The following FERMT3 variants were observed in gnomAD, a reference collection of about 807,000 sequenced individuals.
FERMT3 encodes the protein FERM domain containing kindlin 3.
A neutral mutation model predicts 80.8 loss-of-function variants in FERMT3; 33 were observed. The ratio of observed to expected loss-of-function variants is 0.41; its 90% CI spans 0.31 to 0.55. FERMT3 has a LOEUF of 0.55. Among genes scored for constraint, FERMT3 ranks in the 20% least tolerant of loss-of-function variants. FERMT3 has a pLI of 0.31. For missense variants in FERMT3, 754 were observed against 908.7 expected (o/e 0.83, Z 2.19); for synonymous variants, 375 against 372.2 (o/e 1.01, Z -0.09).
intron 12 of FERMT3, 124 bp downstream of exon 12, chr11:64,220,793 T>A: frequency 7.9e-7 from 1 of 1,268,858 alleles, no homozygotes; most frequent in Non-Finnish European, 1.1e-6. Context: ...ACTGTGTCCC[T>A]GAGATTGTGC....
In FERMT3 at chr11:64,223,704, C is replaced by T; in HGVS notation, c.*212C>T. On this transcript the variant is annotated 3_prime_UTR_variant, in exon 15 of 15. Coordinates refer to ENST00000345728, the MANE Select transcript of FERMT3 (RefSeq NM_031471.6). The stretch of plus-strand genomic sequence containing the variant: ...AGGGATGGGGGTGGGGGTCCCTGAG[C>T]TCATGTGGTGCCCCCTTTCCTTGTC... 1 of 759,754 alleles carries T rather than the reference C, an allele frequency of 1.3e-6. No individual in the cohort carries two copies. 47.1% of individuals were successfully genotyped at this position (759,754 alleles called of 1,614,324 possible).
Position 64,223,478 on chromosome 11 carries a change from C to T in FERMT3, c.1978C>T (p.His660Tyr), listed in dbSNP as rs1313568898. Reference protein sequence around the residue: ...EDLFLQLTGGHEAF With the variant: ...EDLFLQLTGGYEAF Reference sequence around the variant, plus strand: ...CCTCTTCCTGCAGCTCACCGGGGGCCATGAGGCCTTCTGAGGGCTGTCTGA... The same window carrying T: ...CCTCTTCCTGCAGCTCACCGGGGGCTATGAGGCCTTCTGAGGGCTGTCTGA... Residue 660 changes from histidine to tyrosine, a missense_variant, in exon 15 of 15, where the codon CAT becomes TAT. By Grantham distance (83) the His-to-Tyr change is moderately conservative. Transcript: ENST00000345728. 1 of 1,610,094 alleles carries T rather than the reference C, an allele frequency of 6.2e-7. No individual in the cohort carries two copies. The highest frequency in any genetic ancestry group is 8.5e-7 in the Non-Finnish European group (1 of 1,179,854).
chr11:64,221,739 C>T (rs186442729), intron 13 of FERMT3, among the ~76,000 whole-genome samples: 1 of 141,750 alleles, frequency 7.1e-6, no homozygotes, highest in East Asian at 2.1e-4. Context: ...GCAGCCTGGC[C>T]AACATAGTGA....
intron 10 of FERMT3, 95 bp downstream of exon 10, chr11:64,220,110 G>C: frequency 1.3e-6 from 2 of 1,574,928 alleles, no homozygotes; most frequent in Admixed American, 3.3e-5. Context: ...CCTGGAGACC[G>C]GGGAAGATGC....
Position 64,220,260 on chromosome 11 carries a change from G to A in FERMT3, c.1245G>A (p.Lys415=). 6.2e-7 allele frequency: 1 copy of A among 1,613,976 alleles called. No individual in the cohort carries two copies. The highest frequency in any genetic ancestry group is 8.5e-7 in the Non-Finnish European group (1 of 1,180,032). Residue 415 remains lysine, a synonymous_variant, in exon 11 of 15, where the codon AAG becomes AAA. Transcript: ENST00000345728. ...VVPDVNVSGQ[K]FCIKLLVPSP... Reference sequence around the variant, plus strand: ...CCGATGTTAACGTCTCCGGCCAGAAGTTCTGCATTAAACTCCTAGTGCCCT... The same window carrying A: ...CCGATGTTAACGTCTCCGGCCAGAAATTCTGCATTAAACTCCTAGTGCCCT...
chr11:64,223,418 C>G lies in FERMT3; in HGVS notation c.1918C>G (p.Arg640Gly), dbSNP rs886043481. 3 of 1,613,460 alleles carry G rather than the reference C, an allele frequency of 1.9e-6. No homozygotes were observed. The highest frequency in any genetic ancestry group is 2.5e-6 in the Non-Finnish European group (3 of 1,180,036). The change falls in exon 15 of 15, where the codon CGG becomes GGG. Residue 640 changes from arginine to glycine, a missense_variant. Coordinates refer to ENST00000345728, the MANE Select transcript of FERMT3 (RefSeq NM_031471.6). The part of the protein sequence containing the change: ...YIGGYIFLST[R>G]ERARGEELDE... ...CGGGGGCTACATTTTCCTGTCGACG[C>G]GGGAGCGGGCCCGTGGGGAGGAGCT...
At chr11:64,222,952 G>GGAAGGGCT in intron 13 of FERMT3, 96 bp from the exon 14 acceptor site, 1 of 1,549,194 alleles carries the variant, frequency 6.5e-7, no homozygotes, top group Non-Finnish European at 8.9e-7. Flanking sequence ...GCTGCAGTCG[G>GGAAGGGCT]GAAGGGCTGG....
chr11:64,218,337 T>A (rs1323448545), intron 6 of FERMT3, among the ~76,000 whole-genome samples: 4 of 150,704 alleles, frequency 2.7e-5, no homozygotes. Flanking sequence ...AAGGTCTCAC[T>A]CTATCCCCCA....
chr11:64,208,271 T>G (rs1946360118), intron 2 of FERMT3, among the ~76,000 whole-genome samples: 1 of 151,838 alleles, frequency 6.6e-6, no homozygotes, highest in Admixed American at 6.5e-5. Flanking sequence ...GCCACAAGAC[T>G]GAGGCTGTGA....
At chr11:64,215,141 G>C (rs1376070765) in intron 6 of FERMT3, among the ~76,000 whole-genome samples, 2 of 152,182 alleles carry the variant, frequency 1.3e-5, no homozygotes, top group Admixed American at 1.3e-4. Context: ...GTATGGTTGT[G>C]CAACCATCAC....
chr11:64,212,529 G>A (rs1946464995), intron 6 of FERMT3, among the ~76,000 whole-genome samples: 2 of 152,168 alleles, frequency 1.3e-5, no homozygotes, highest in South Asian at 4.1e-4. Flanking sequence ...ACGTCTCCAG[G>A]CTATCTGTTC....
At chr11:64,213,888 T>G (rs537874956) in intron 6 of FERMT3, among the ~76,000 whole-genome samples, 1 of 152,250 alleles carries the variant, frequency 6.6e-6, no homozygotes, top group Non-Finnish European at 1.5e-5. Flanking sequence ...TCTAGTGTTT[T>G]CTTCTCTATG....
In FERMT3 at chr11:64,210,894, C is replaced by T; in HGVS notation, c.394+50C>T. ...GGCCCACGAGGGTGATGCAAAGAGGCAGGTTCCCCCGTTTCCAGGCCCAGC... is the reference window on the plus strand; with the variant it reads ...GGCCCACGAGGGTGATGCAAAGAGGTAGGTTCCCCCGTTTCCAGGCCCAGC... On this transcript the variant is annotated intron_variant, in intron 3 of 14. Transcript: ENST00000345728. The surrounding 1 kb of genome is among the most constrained non-coding windows in gnomAD (Gnocchi z 4.3). The T allele has an allele frequency of 1.9e-6, 3 of 1,608,672 alleles. No individual in the cohort carries two copies. The highest frequency in any genetic ancestry group is 2.5e-6 in the Non-Finnish European group (3 of 1,178,902).
At position 64,222,904 on chromosome 11, in the gene FERMT3, G is replaced by A. The variant is rs952863614; in HGVS notation, c.1671-144G>A. The A allele has an allele frequency of 2.9e-6, 3 of 1,024,004 alleles. 1 individual carries two copies. The highest frequency in any genetic ancestry group is 4.4e-6 in the Non-Finnish European group (3 of 685,962). 63.4% of individuals were successfully genotyped at this position (1,024,004 alleles called of 1,614,324 possible). A position where few individuals can be genotyped will look rare whatever the true frequency, so the allele number is the denominator to read the frequency against. On this transcript the variant is annotated intron_variant, in intron 13 of 14. Transcript: ENST00000345728. ...CCAGATGAGGAACTTGAGGCCCAGG[G>A]AACCCAAATGGCTTGCTCAGGGTTA...
rs774874374 is a variant in FERMT3, at chr11:64,220,562, A to C, written c.1438A>C (p.Ser480Arg). 1 of 1,608,164 alleles carries C rather than the reference A, an allele frequency of 6.2e-7. No individual in the cohort carries two copies. The highest frequency in any genetic ancestry group is 8.5e-7 in the Non-Finnish European group (1 of 1,177,684). ...CTTCCTCAGCCTGCAGCGCACGGGC[A>C]GTGGGGGCCCGGGCAACCACCCCCA... Reference protein sequence around the residue: ...LAFLSLQRTGSGGPGNHPHGP... With the variant: ...LAFLSLQRTGRGGPGNHPHGP... The change falls in exon 12 of 15, where the codon AGT (serine) becomes CGT (arginine). Residue 480 changes from serine (S) to arginine (R), a missense_variant. Ser to Arg is a moderately radical substitution (Grantham distance 110). Transcript: ENST00000345728.
chr11:64,214,962 T>G (rs1946520725), intron 6 of FERMT3, among the ~76,000 whole-genome samples: 2 of 151,924 alleles, frequency 1.3e-5, no homozygotes, highest in Admixed American at 6.6e-5. Flanking sequence ...ACCGCCACCA[T>G]GCCCAGCTAA....
At position 64,211,267 on chromosome 11, in the gene FERMT3, C is replaced by T; in HGVS notation, c.515-8C>T. The T allele has an allele frequency of 1.2e-6, 2 of 1,613,256 alleles. No individual in the cohort carries two copies. The highest frequency in any genetic ancestry group is 1.7e-6 in the Non-Finnish European group (2 of 1,179,868). ...ACAGGCCTGGTTGACTCCCAACCTG[C>T]ACTCCAGGCGTGGCACCTGCACTGT... On this transcript the variant is annotated splice_region_variant and splice_polypyrimidine_tract_variant and intron_variant, in intron 4 of 14. Transcript: ENST00000345728. This position sits in a 1 kb window ranked among gnomAD's most constrained non-coding sequence, Gnocchi z 4.7.
At chr11:64,220,762 C>T (rs1183826917) in intron 12 of FERMT3, 93 bp downstream of exon 12, 16 of 1,321,958 alleles carry the variant, frequency 1.2e-5, no homozygotes, top group South Asian at 2.5e-5. Context: ...AGGAAAGCTA[C>T]GTACTCACTG....
At chr11:64,206,268 G>C (rs903599406), upstream of FERMT3, among the ~76,000 whole-genome samples, 1 of 152,206 alleles carries the variant, frequency 6.6e-6, no homozygotes, top group Non-Finnish European at 1.5e-5. Context: ...TTCCCTCTGG[G>C]GCCTTGAGGG....
Sources: gnomAD v4.1 joint callset for allele counts (sites outside exome capture counted in the v4.1 genomes callset) on GRCh38, gnomAD v4.1.1 for gene constraint, Gnocchi (gnomAD v3.1) non-coding constraint, MANE v1.5 for transcripts, NCBI Gene and HGNC (gene_info 2026-07-23, HGNC 2026-07-21) for gene names.